ERBB4: variants seen among roughly 807,000 people sequenced by gnomAD.
The protein encoded by ERBB4 is receptor tyrosine-protein kinase erbB-4.
In ERBB4, 42 loss-of-function variants were observed where a neutral mutation model predicts 158.0. The ratio of observed to expected loss-of-function variants is 0.27; its 90% CI spans 0.21 to 0.34. The LOEUF is 0.34. ERBB4 is among the 10% of genes least tolerant of loss of function. The probability of loss-of-function intolerance (pLI) is 1.00; values close to 1 mark genes in which losing one functional copy is unlikely to be tolerated. For missense variants in ERBB4, 1,333 were observed against 1,624.1 expected, an observed-to-expected ratio of 0.82 and a Z score of 3.08; for synonymous variants, 583 against 558.7, an observed-to-expected ratio of 1.04 and a Z score of -0.61.
chr2:212,085,959 G>T (rs2078594385), intron 2 of ERBB4, among the ~76,000 whole-genome samples: 2 of 151,814 alleles, frequency 1.3e-5, no homozygotes, highest in African/African-American at 2.4e-5. Context: ...GGATATAAAG[G>T]CATTCTTGTA....
intron 3 of ERBB4, among the ~76,000 whole-genome samples, chr2:211,823,987 C>T (rs982875893): frequency 6.6e-6 from 1 of 151,970 alleles, no homozygotes; most frequent in African/African-American, 2.4e-5. Context: ...AAAATTATTA[C>T]GACCAAGACC....
intron 9 of ERBB4, among the ~76,000 whole-genome samples, chr2:211,710,619 T>C (rs2073661449): frequency 6.6e-6 from 1 of 152,146 alleles, no homozygotes. Context: ...AATATCATAT[T>C]GAATTGTAGC....
At chr2:212,422,652 C>T (rs550097341) in intron 1 of ERBB4, among the ~76,000 whole-genome samples, 1 of 152,202 alleles carries the variant, frequency 6.6e-6, no homozygotes, top group African/African-American at 2.4e-5. Flanking sequence ...CAACCAAAAC[C>T]TTTTACTGTG....
At chr2:212,262,203 T>C (rs2084970765) in intron 1 of ERBB4, among the ~76,000 whole-genome samples, 1 of 152,206 alleles carries the variant, frequency 6.6e-6, no homozygotes, top group Admixed American at 6.5e-5. Context: ...ATGGCTTTTA[T>C]GTTTCTTTCA....
At chr2:211,715,522 T>G (rs2073865709) in intron 7 of ERBB4, among the ~76,000 whole-genome samples, 1 of 152,190 alleles carries the variant, frequency 6.6e-6, no homozygotes, top group African/African-American at 2.4e-5. Context: ...CCAAATCTCA[T>G]GTCGAATTAT....
chr2:212,070,585 A>G (rs2078085197), intron 2 of ERBB4, among the ~76,000 whole-genome samples: 1 of 152,082 alleles, frequency 6.6e-6, no homozygotes, highest in African/African-American at 2.4e-5. Context: ...AGACTGTTCA[A>G]TGGAGAAAAA....
chr2:212,163,548 T>C (rs2081263862), intron 1 of ERBB4, among the ~76,000 whole-genome samples: 1 of 152,058 alleles, frequency 6.6e-6, no homozygotes, highest in Non-Finnish European at 1.5e-5. Flanking sequence ...TAGTCTGTAA[T>C]AAACTGATAA....
At chr2:212,252,999 T>G (rs1521637) in intron 1 of ERBB4, among the ~76,000 whole-genome samples, 9,131 of 152,216 alleles carry the variant, frequency 0.06, 380 homozygotes, top group African/African-American at 0.12. Context: ...TCTTCTAATA[T>G]TCATGACAGT....
chr2:211,689,653 A>C (rs1350608406), intron 12 of ERBB4, among the ~76,000 whole-genome samples: 1 of 152,192 alleles, frequency 6.6e-6, no homozygotes, highest in East Asian at 1.9e-4. Flanking sequence ...ATAATAGACA[A>C]AGTTATAAAA....
chr2:212,527,026 A>C (rs2178576), intron 1 of ERBB4, among the ~76,000 whole-genome samples: 25,663 of 151,998 alleles, frequency 0.17, 2,274 homozygotes, highest in African/African-American at 0.23. Flanking sequence ...AAATGATTAA[A>C]AATCCAGCGA....
At chr2:211,942,866 A>T (rs889701624) in intron 3 of ERBB4, among the ~76,000 whole-genome samples, 1 of 152,148 alleles carries the variant, frequency 6.6e-6, no homozygotes. Flanking sequence ...TCAAATATCT[A>T]AGGTGAAATG....
intron 2 of ERBB4, among the ~76,000 whole-genome samples, chr2:212,122,471 T>C (rs1205982252): frequency 6.6e-6 from 1 of 152,130 alleles, no homozygotes; most frequent in Non-Finnish European, 1.5e-5. Flanking sequence ...GATATGCACA[T>C]GGATTAGTAC....
At chr2:211,693,723 G>A in intron 12 of ERBB4, among the ~76,000 whole-genome samples, 1 of 152,298 alleles carries the variant, frequency 6.6e-6, no homozygotes, top group Middle Eastern at 3.4e-3. Context: ...CATAGAAATA[G>A]TGTAACAAAC....
At chr2:212,340,817 C>T (rs2088673965) in intron 1 of ERBB4, among the ~76,000 whole-genome samples, 1 of 152,122 alleles carries the variant, frequency 6.6e-6, no homozygotes, top group South Asian at 2.1e-4. Flanking sequence ...TGTTCTATAG[C>T]TAAAATCCAA....
At chr2:211,994,921 T>C (rs1423730947) in intron 2 of ERBB4, among the ~76,000 whole-genome samples, 6 of 152,226 alleles carry the variant, frequency 3.9e-5, no homozygotes, top group Admixed American at 3.3e-4. Flanking sequence ...TCTAAAATTA[T>C]AGAGCCTAGG....
At chr2:212,442,363 G>A (rs374996480) in intron 1 of ERBB4, among the ~76,000 whole-genome samples, 21 of 152,240 alleles carry the variant, frequency 1.4e-4, no homozygotes, top group Middle Eastern at 6.8e-3. Context: ...CTTTGAGGAA[G>A]GACCCCACTA....
chr2:212,219,438 T>A (rs7567480), intron 1 of ERBB4, among the ~76,000 whole-genome samples: 147,467 of 151,312 alleles, frequency 0.97, 71,947 homozygotes, highest in Middle Eastern at 1. Flanking sequence ...AACATTTTTC[T>A]ATATTATTTA....
intron 3 of ERBB4, among the ~76,000 whole-genome samples, chr2:211,790,544 T>G (rs1369948235): frequency 6.6e-6 from 1 of 152,050 alleles, no homozygotes; most frequent in Non-Finnish European, 1.5e-5. Flanking sequence ...TGACATTTGT[T>G]TCTTAGAAAT....
At chr2:211,789,454 G>A (rs1176438572) in intron 3 of ERBB4, among the ~76,000 whole-genome samples, 3 of 152,128 alleles carry the variant, frequency 2.0e-5, no homozygotes, top group African/African-American at 7.2e-5. Context: ...ATTGCAGGCA[G>A]GATGAAGTCA....
Sources: gnomAD v4.1 joint callset for allele counts (sites outside exome capture counted in the v4.1 genomes callset) on GRCh38, gnomAD v4.1.1 for gene constraint, MANE v1.5 for transcripts, NCBI Gene and HGNC (gene_info 2026-07-23, HGNC 2026-07-21) for gene names.